Variants in TARBP2 observed in about 807,000 individuals in gnomAD.
TARBP2 encodes the protein RISC-loading complex subunit TARBP2.
Under a neutral mutation model 40.4 loss-of-function variants are expected in TARBP2, and 23 were observed. The ratio of observed to expected loss-of-function variants is 0.57; its 90% CI spans 0.41 to 0.81. TARBP2 has a LOEUF of 0.81. Ranked by LOEUF, TARBP2 falls within the 30% of genes least tolerant of loss-of-function variation. The probability of loss-of-function intolerance (pLI) is 0.00; values close to 1 mark genes in which losing one functional copy is unlikely to be tolerated. For synonymous variants in TARBP2, 183 were observed against 190.5 expected (o/e 0.96, Z 0.32); for missense variants, 358 against 473.7 (o/e 0.76, Z 2.27).
In TARBP2 at chr12:53,501,510, G is replaced by A. The variant is rs764801700; in HGVS notation, c.53+49G>A. 7 of 1,551,724 alleles carry A rather than the reference G, an allele frequency of 4.5e-6. No homozygotes were observed. The South Asian group carries it at 5.9e-5, about 13-fold the overall frequency. ...TTCAGGGCGAAAAGCGTGGGGCCGT[G>A]CGGAGGGAGTAGCGGCGCGGCCCCA... is the stretch of plus-strand genomic sequence containing the variant. On this transcript the variant is annotated intron_variant, in intron 1 of 8. Transcript: ENST00000266987.
intron 6 of TARBP2, 27 bp downstream of exon 6, chr12:53,504,842 A>G (rs1592740077): frequency 5.6e-6 from 9 of 1,611,574 alleles, no homozygotes; most frequent in Non-Finnish European, 7.6e-6. Flanking sequence ...GGGTTCTCAC[A>G]ACTCCTCTCC....
In TARBP2 at chr12:53,502,163, G is replaced by A. The variant is rs1347448032; in HGVS notation, c.202G>A (p.Val68Ile). 20 of 1,614,202 alleles carry A rather than the reference G, an allele frequency of 1.2e-5. No homozygotes were observed. The highest frequency in any genetic ancestry group is 1.6e-5 in the Non-Finnish European group (19 of 1,180,028). ...GCCTAATTTCACCTTCCGGGTCACCGTTGGCGACACCAGCTGCACTGGTGA... is the reference window on the plus strand; with the variant it reads ...GCCTAATTTCACCTTCCGGGTCACCATTGGCGACACCAGCTGCACTGGTGA... ...HQPNFTFRVT[V>I]GDTSCTGQGP... is the part of the protein sequence containing the mutation. The change falls in exon 2 of 9, where the codon GTT becomes ATT. Residue 68 changes from valine to isoleucine, a missense_variant. Physicochemically the swap from Val to Ile is conservative, Grantham distance 29. Coordinates refer to ENST00000266987, the MANE Select transcript of TARBP2 (RefSeq NM_134323.2).
In TARBP2 at chr12:53,501,321, G is replaced by A; in HGVS notation, c.-88G>A. 1 of 1,486,358 alleles carries A rather than the reference G, an allele frequency of 6.7e-7. No individual in the cohort carries two copies. Among genetic ancestry groups the A allele is most frequent in the Non-Finnish European group, 9.1e-7 (1 of 1,096,092 alleles). The allele number at this position is 1,486,358 out of a possible 1,614,324, so 92.1% of individuals were successfully genotyped here. A position where few individuals can be genotyped will look rare whatever the true frequency, so the allele number is the denominator to read the frequency against. On this transcript the variant is annotated 5_prime_UTR_variant, in exon 1 of 9. Coordinates refer to ENST00000266987, the MANE Select transcript of TARBP2 (RefSeq NM_134323.2). ...GCGGGCCCTACCGGCCGCGACTCCG[G>A]GCTTGGCCCCGGCCCTAGCTCGTCG...
intron 2 of TARBP2, chr12:53,502,427 G>C (rs775975855): frequency 1.7e-5 from 9 of 534,552 alleles, no homozygotes; most frequent in Non-Finnish European, 2.7e-5. Context: ...TCACCCTAGA[G>C]GAAAAGTAAG....
intron 1 of TARBP2, 56 bp from the exon 2 acceptor site, chr12:53,501,959 G>A: frequency 6.2e-7 from 1 of 1,603,730 alleles, no homozygotes; most frequent in Non-Finnish European, 8.5e-7. Context: ...GGAAGTGCTT[G>A]GCTAGGTGGG....
Position 53,505,959 on chromosome 12 carries a change from A to G in TARBP2, c.944-32A>G. On this transcript the variant is annotated intron_variant, in intron 8 of 8. Coordinates refer to ENST00000266987, the MANE Select transcript of TARBP2 (RefSeq NM_134323.2). The surrounding 1 kb of genome is among the most constrained non-coding windows in gnomAD (Gnocchi z 4.5). ...CCCCTCCCCAGGGCTACCTCCCCCA[A>G]CATTGCCTCCCTCCTCTCTCTTGCT... 2 of 1,607,540 alleles carry G rather than the reference A, an allele frequency of 1.2e-6. No homozygotes were observed. The highest frequency in any genetic ancestry group is 1.7e-6 in the Non-Finnish European group (2 of 1,174,804).
intron 2 of TARBP2, 156 bp downstream of exon 2, chr12:53,502,340 G>A (rs938434505): frequency 1.9e-6 from 2 of 1,044,888 alleles, no homozygotes; most frequent in African/African-American, 3.2e-5. Flanking sequence ...GGGAGAACAG[G>A]GCTGTAAGAA....
rs1203850116 is a variant in TARBP2, at chr12:53,503,707, G to A, written c.327-6G>A. The A allele has an allele frequency of 1.2e-6, 2 of 1,612,158 alleles. No homozygotes were observed. The highest frequency in any genetic ancestry group is 1.7e-6 in the Non-Finnish European group (2 of 1,178,286). Reference sequence around the variant, plus strand: ...GTGAATCAAAGGCCCCCTTCCCCTCGGGAAGTTCTTTTTCTCCCCTAGACT... The same window carrying A: ...GTGAATCAAAGGCCCCCTTCCCCTCAGGAAGTTCTTTTTCTCCCCTAGACT... On this transcript the variant is annotated splice_polypyrimidine_tract_variant and splice_region_variant and intron_variant, in intron 3 of 8. Coordinates refer to ENST00000266987, the MANE Select transcript of TARBP2 (RefSeq NM_134323.2).
Position 53,501,407 on chromosome 12 carries a change from G to A in TARBP2, c.-2G>A, listed in dbSNP as rs1183068848. The A allele has an allele frequency of 1.3e-6, 2 of 1,564,246 alleles. No individual in the cohort carries two copies. The highest frequency in any genetic ancestry group is 8.7e-7 in the Non-Finnish European group (1 of 1,154,290). On this transcript the variant is annotated 5_prime_UTR_variant, in exon 1 of 9. Coordinates refer to ENST00000266987, the MANE Select transcript of TARBP2 (RefSeq NM_134323.2). Reference sequence around the variant, plus strand: ...GTGGCGCCCGCGGGGACGGAGGAGGGAATGAGTGAAGAGGAGCAAGGCTCC... The same window carrying A: ...GTGGCGCCCGCGGGGACGGAGGAGGAAATGAGTGAAGAGGAGCAAGGCTCC...
intron 1 of TARBP2, chr12:53,501,761 C>T: frequency 7.1e-7 from 1 of 1,403,390 alleles, no homozygotes; most frequent in Non-Finnish European, 9.3e-7. Context: ...CACTTTCAAC[C>T]TGCATTGGGG....
At chr12:53,501,753 C>G (rs934948266) in intron 1 of TARBP2, 50 of 1,412,136 alleles carry the variant, frequency 3.5e-5, no homozygotes, top group East Asian at 2.0e-4. Context: ...GGGGTATGCA[C>G]TTTCAACCTG....
In TARBP2 at chr12:53,505,714, A is replaced by T; in HGVS notation, c.807A>T (p.Arg269=). Residue 269 remains arginine (R), a synonymous_variant, in exon 8 of 9, where the codon CGA becomes CGT. Transcript: ENST00000266987. The surrounding 1 kb of genome is among the most constrained non-coding windows in gnomAD (Gnocchi z 4.5). Reference sequence around the variant, plus strand: ...CAGGTTGCACCTGGGATTCTCTACGAAATTCAGTAGGAGAGAAGATCCTGT... The same window carrying T: ...CAGGTTGCACCTGGGATTCTCTACGTAATTCAGTAGGAGAGAAGATCCTGT... ...RGPGCTWDSL[R]NSVGEKILSL... is the part of the protein sequence containing the mutation. 2 of 1,614,024 alleles carry T rather than the reference A, an allele frequency of 1.2e-6. No individual in the cohort carries two copies. Among genetic ancestry groups the T allele is most frequent in the Non-Finnish European group, 1.7e-6 (2 of 1,179,980 alleles).
intron 2 of TARBP2, 111 bp from the exon 3 acceptor site, chr12:53,502,916 C>A (rs1592734935): frequency 6.0e-6 from 7 of 1,158,498 alleles, no homozygotes; most frequent in Non-Finnish European, 8.2e-6. Flanking sequence ...GGAGGTTGGT[C>A]AGAAGGGGCT....
intron 3 of TARBP2, 36 bp from the exon 4 acceptor site, chr12:53,503,677 T>C (rs1943824230): frequency 1.3e-6 from 2 of 1,482,632 alleles, no homozygotes; most frequent in Non-Finnish European, 1.9e-6. Context: ...CCCCTATACA[T>C]GGGTGTGAAT....
In TARBP2 at chr12:53,505,808, C is replaced by G. The variant is rs1943951396; in HGVS notation, c.901C>G (p.Leu301Val). 7 of 1,614,102 alleles carry G rather than the reference C, an allele frequency of 4.3e-6. No homozygotes were observed. The highest frequency in any genetic ancestry group is 5.9e-6 in the Non-Finnish European group (7 of 1,180,006). Residue 301 changes from leucine to valine, a missense_variant, in exon 8 of 9, where the codon CTC becomes GTC. This residue lies in a region of TARBP2 where 317 missense variants were observed against 422.9 expected (regional missense o/e 0.75). Coordinates refer to ENST00000266987, the MANE Select transcript of TARBP2 (RefSeq NM_134323.2). This position sits in a 1 kb window ranked among gnomAD's most constrained non-coding sequence, Gnocchi z 4.5. The part of the protein sequence containing the change: ...GPACCRVLSE[L>V]SEEQAFHVSY... ...TGCCTGCTGCCGTGTCCTCAGTGAG[C>G]TCTCTGAGGAGCAGGCCTTTCACGT...
chr12:53,504,844 C>T (rs1943894996), intron 6 of TARBP2, 29 bp downstream of exon 6: 1 of 1,610,834 alleles, frequency 6.2e-7, no homozygotes, highest in Non-Finnish European at 8.5e-7. Context: ...GTTCTCACAA[C>T]TCCTCTCCCG....
rs1943741236 is a variant in TARBP2 at position 53,502,156 on chromosome 12, G to A, written c.195G>A (p.Arg65=). 2 of 1,614,184 alleles carry A rather than the reference G, an allele frequency of 1.2e-6. No homozygotes were observed. The highest frequency in any genetic ancestry group is 1.7e-6 in the Non-Finnish European group (2 of 1,180,048). ...CCCACCAGCCTAATTTCACCTTCCG[G>A]GTCACCGTTGGCGACACCAGCTGCA... ...GQAHQPNFTF[R]VTVGDTSCTG... is the part of the protein sequence containing the mutation. Residue 65 remains arginine, a synonymous_variant, in exon 2 of 9, where the codon CGG becomes CGA. Transcript: ENST00000266987.
chr12:53,501,609 G>T, intron 1 of TARBP2, 148 bp downstream of exon 1: 1 of 1,470,780 alleles, frequency 6.8e-7, no homozygotes, highest in Non-Finnish European at 9.0e-7. Context: ...GTGCACCGGG[G>T]CAGTGGCTGC....
Position 53,505,529 on chromosome 12 carries a change from G to A in TARBP2, c.742-120G>A, listed in dbSNP as rs928979447. The A allele has an allele frequency of 1.7e-6, 2 of 1,175,572 alleles. No individual in the cohort carries two copies. The highest frequency in any genetic ancestry group is 2.5e-6 in the Non-Finnish European group (2 of 813,048). 72.8% of individuals were successfully genotyped at this position (1,175,572 alleles called of 1,614,324 possible). On this transcript the variant is annotated intron_variant, in intron 7 of 8. Transcript: ENST00000266987. The surrounding 1 kb of genome is among the most constrained non-coding windows in gnomAD (Gnocchi z 4.5). Reference sequence around the variant, plus strand: ...AGAAGGGGCCACCCAGGGATTGACTGGGGGGAGGCAAGCTGGAGGAAGCAT... The same window carrying A: ...AGAAGGGGCCACCCAGGGATTGACTAGGGGGAGGCAAGCTGGAGGAAGCAT...
Sources: gnomAD v4.1 joint callset for allele counts on GRCh38, gnomAD v4.1.1 for gene constraint, gnomAD v4.1.1 regional missense constraint, Gnocchi (gnomAD v3.1) non-coding constraint, MANE v1.5 for transcripts, NCBI Gene and HGNC (gene_info 2026-07-23, HGNC 2026-07-21) for gene names.